PCLO: variants seen among roughly 807,000 people sequenced by gnomAD.
PCLO encodes the protein protein piccolo.
Under a neutral mutation model 427.5 loss-of-function variants are expected in PCLO, and 82 were observed. That is an observed-to-expected ratio of 0.19 (90% CI 0.16 to 0.23). The LOEUF is 0.23. PCLO is among the 10% of genes least tolerant of loss of function. The pLI is 1.00. For synonymous variants in PCLO, 2,357 were observed against 2,155.4 expected (o/e 1.09, Z -2.59); for missense variants, 6,239 against 6,115.9 (o/e 1.02, Z -0.67).
intron 3 of PCLO, among the ~76,000 whole-genome samples, chr7:83,111,671 T>G (rs1321440730): frequency 6.6e-6 from 1 of 152,184 alleles, no homozygotes; most frequent in Non-Finnish European, 1.5e-5. Flanking sequence ...AGACCTCGAG[T>G]GCAGTCTTGT....
intron 3 of PCLO, among the ~76,000 whole-genome samples, chr7:83,066,823 G>A (rs901886981): frequency 6.6e-6 from 1 of 152,104 alleles, no homozygotes; most frequent in East Asian, 1.9e-4. Context: ...ATGTGAGATG[G>A]AGCGCTGTTC....
chr7:83,154,914 G>A lies in PCLO; in HGVS notation c.1727C>T (p.Ala576Val), dbSNP rs1214368773. ...PLQPPTVSPS[A>V]KQPPSQGLPK... ...GAGGCCTTGTGAAGGAGGCTGTTTT[G>A]CAGATGGAGACACTGTTGGTGGCTG... The change falls in exon 2 of 25, where the codon GCA becomes GTA. Residue 576 changes from alanine (A) to valine (V), a missense_variant. This residue lies in a region of PCLO where 4,677 missense variants were observed against 4,468.4 expected (regional missense o/e 1.05). Transcript: ENST00000333891. The A allele has an allele frequency of 6.2e-7, 1 of 1,614,046 alleles. No homozygotes were observed. Among genetic ancestry groups the A allele is most frequent in the Admixed American group, 1.7e-5 (1 of 60,024 alleles).
rs376715932 is a variant in PCLO, at chr7:82,953,019, A to G, written c.7934T>C (p.Leu2645Ser). Residue 2645 changes from leucine to serine, a missense_variant, in exon 5 of 25, where the codon TTA (leucine) becomes TCA (serine). This residue lies in a region of PCLO where 4,677 missense variants were observed against 4,468.4 expected (regional missense o/e 1.05). Coordinates refer to ENST00000333891, the MANE Select transcript of PCLO (RefSeq NM_033026.6). ...SEQTFYISGA[L>S]QTFSATPVTA... is the part of the protein sequence containing the mutation. Reference sequence around the variant, plus strand: ...GACAGGGGTAGCAGAAAATGTCTGTAAAGCTCCAGAGATGTAGAAGGTCTG... The same window carrying G: ...GACAGGGGTAGCAGAAAATGTCTGTGAAGCTCCAGAGATGTAGAAGGTCTG... 6.2e-7 allele frequency: 1 copy of G among 1,613,960 alleles called. No homozygotes were observed.
At chr7:82,969,489 A>AT (rs1795854435) in intron 3 of PCLO, among the ~76,000 whole-genome samples, 1 of 152,066 alleles carries the variant, frequency 6.6e-6, no homozygotes, top group Non-Finnish European at 1.5e-5. Flanking sequence ...TTTTGCAATT[A>AT]TTTTTAACAT....
intron 9 of PCLO, among the ~76,000 whole-genome samples, chr7:82,891,009 A>C (rs1459125109): frequency 1.3e-5 from 2 of 152,052 alleles, no homozygotes; most frequent in Admixed American, 1.3e-4. Flanking sequence ...AGTGGGACTA[A>C]TAAATGTATG....
intron 6 of PCLO, among the ~76,000 whole-genome samples, chr7:82,945,615 G>T (rs1421204636): frequency 6.6e-6 from 1 of 152,092 alleles, no homozygotes; most frequent in Non-Finnish European, 1.5e-5. Context: ...CCAGTTTGTG[G>T]TACTGTTATG....
chr7:83,144,222 G>C (rs1791937278), intron 2 of PCLO, among the ~76,000 whole-genome samples: 1 of 152,128 alleles, frequency 6.6e-6, no homozygotes, highest in South Asian at 2.1e-4. Flanking sequence ...AGGAGTTCAA[G>C]ACCAGCCTGA....
At chr7:83,103,892 C>T (rs766472976) in intron 3 of PCLO, among the ~76,000 whole-genome samples, 30 of 151,876 alleles carry the variant, frequency 2.0e-4, no homozygotes, top group Non-Finnish European at 3.8e-4. Flanking sequence ...AAGATATTTG[C>T]CTGTACTTGG....
At chr7:82,922,752 A>C (rs1794627156) in intron 6 of PCLO, among the ~76,000 whole-genome samples, 1 of 152,028 alleles carries the variant, frequency 6.6e-6, no homozygotes, top group African/African-American at 2.4e-5. Flanking sequence ...TTGGAAAGAA[A>C]AAAAACGAAC....
At chr7:83,105,475 A>G (rs992838559) in intron 3 of PCLO, among the ~76,000 whole-genome samples, 19 of 151,566 alleles carry the variant, frequency 1.3e-4, no homozygotes, top group African/African-American at 4.1e-4. Flanking sequence ...TCAGAATATT[A>G]TAAGTGTGTA....
chr7:82,845,137 T>C, intron 13 of PCLO, 134 bp downstream of exon 13: 2 of 664,090 alleles, frequency 3.0e-6, no homozygotes, highest in South Asian at 4.0e-5. Context: ...AAAATGTTTC[T>C]TGTTTTGATA....
At chr7:83,062,055 A>G (rs1789555816) in intron 3 of PCLO, among the ~76,000 whole-genome samples, 1 of 152,222 alleles carries the variant, frequency 6.6e-6, no homozygotes, top group Admixed American at 6.5e-5. Flanking sequence ...TAAGGTTAGT[A>G]GCAAAGAAAA....
chr7:83,056,853 T>C lies in PCLO; in HGVS notation c.3300+77397A>G, dbSNP rs536814216. Among the ~76,000 whole-genome samples, 7 of 152,198 alleles carry C rather than the reference T, an allele frequency of 4.6e-5. No homozygotes were observed. The South Asian group carries it at 1.4e-3, about 32-fold the overall frequency. On this transcript the variant is annotated intron_variant, in intron 3 of 24. Coordinates refer to ENST00000333891, the MANE Select transcript of PCLO (RefSeq NM_033026.6). ...CTGTCTAGACTACAGGGCCTTCTTC[T>C]ATTGTTGTCGTAAACATTCCTTAAA...
intron 10 of PCLO, chr7:82,868,045 T>G: frequency 2.3e-6 from 1 of 443,982 alleles, no homozygotes. Context: ...CTGTGTCATG[T>G]GTACCTAACG....
chr7:82,887,146 G>A (rs961154737), intron 9 of PCLO, among the ~76,000 whole-genome samples: 1 of 152,018 alleles, frequency 6.6e-6, no homozygotes, highest in Non-Finnish European at 1.5e-5. Context: ...AACATTTTGA[G>A]TTACGTACTA....
intron 3 of PCLO, among the ~76,000 whole-genome samples, chr7:82,983,693 G>C (rs1796197621): frequency 6.6e-6 from 1 of 151,168 alleles, no homozygotes; most frequent in Non-Finnish European, 1.5e-5. Flanking sequence ...TTAGCAGGTG[G>C]GAATGAAGTC....
intron 16 of PCLO, among the ~76,000 whole-genome samples, chr7:82,833,259 T>C (rs1249619386): frequency 6.6e-6 from 1 of 152,178 alleles, no homozygotes; most frequent in Non-Finnish European, 1.5e-5. Flanking sequence ...CTTCCAGGTA[T>C]AAAGATAGCT....
intron 2 of PCLO, among the ~76,000 whole-genome samples, chr7:83,147,671 C>T (rs1173819591): frequency 1.3e-5 from 2 of 152,076 alleles, no homozygotes; most frequent in African/African-American, 4.8e-5. Flanking sequence ...GAATCAAGTC[C>T]TTTAACCCTT....
At position 82,845,310 on chromosome 7, in the gene PCLO, C is replaced by A; in HGVS notation, c.14007G>T (p.Gly4669=). 1 of 1,613,442 alleles carries A rather than the reference C, an allele frequency of 6.2e-7. No homozygotes were observed. The highest frequency in any genetic ancestry group is 1.3e-5 in the African/African-American group (1 of 75,002). Reference sequence around the variant, plus strand: ...GCTTCTTTTTGCTCACTGAGGGGGACCCTGGTTGCCCAGGGCTGGGAACGG... The same window carrying A: ...GCTTCTTTTTGCTCACTGAGGGGGAACCTGGTTGCCCAGGGCTGGGAACGG... ...SSSVPSPGQP[G]SPSVSKKKHG... Residue 4669 remains glycine, a synonymous_variant, in exon 13 of 25, where the codon GGG becomes GGT. Coordinates refer to ENST00000333891, the MANE Select transcript of PCLO (RefSeq NM_033026.6).
Sources: gnomAD v4.1 joint callset for allele counts (sites outside exome capture counted in the v4.1 genomes callset) on GRCh38, gnomAD v4.1.1 for gene constraint, gnomAD v4.1.1 regional missense constraint, MANE v1.5 for transcripts, NCBI Gene and HGNC (gene_info 2026-07-23, HGNC 2026-07-21) for gene names.